FAM110C: variants seen among roughly 807,000 people sequenced by gnomAD.
FAM110C encodes protein FAM110C.
In FAM110C, 19 loss-of-function variants were observed where a neutral mutation model predicts 15.7. The observed-to-expected ratio is 1.21, with a 90% CI of 0.85 to 1.78. The LOEUF is 1.78. FAM110C is among the 40% of genes most tolerant of loss of function. FAM110C has a pLI of 0.00. For missense variants in FAM110C, 547 were observed against 495.7 expected, an observed-to-expected ratio of 1.10 and a Z score of -0.98; for synonymous variants, 275 against 233.9, an observed-to-expected ratio of 1.18 and a Z score of -1.61.
At chr2:43,447 G>A (rs756995967) in intron 1 of FAM110C, 5 of 985,400 alleles carry the variant, frequency 5.1e-6, no homozygotes, top group Non-Finnish European at 6.0e-6. Context: ...TCCCAAACCT[G>A]CTCTCACTTT....
intron 1 of FAM110C, chr2:45,058 T>C: frequency 1.0e-6 from 1 of 985,394 alleles, no homozygotes; most frequent in Non-Finnish European, 1.2e-6. Flanking sequence ...GAACTAGGGC[T>C]CTCAAGCTGT....
At chr2:44,595 C>T in intron 1 of FAM110C, 8 of 985,428 alleles carry the variant, frequency 8.1e-6, no homozygotes, top group Non-Finnish European at 9.6e-6. Flanking sequence ...GGTTCTTTCT[C>T]TTCACTACTT....
At chr2:45,403 C>T (rs1265354438) in intron 1 of FAM110C, 37 bp downstream of exon 1, 1 of 1,571,220 alleles carries the variant, frequency 6.4e-7, no homozygotes, top group Non-Finnish European at 8.6e-7. Flanking sequence ...CAGCCCCGCA[C>T]ACGGCCAGCC....
intron 1 of FAM110C, chr2:43,248 C>G: frequency 1.0e-6 from 1 of 985,420 alleles, no homozygotes; most frequent in Non-Finnish European, 1.2e-6. Context: ...GTGCTGGTGA[C>G]TGCCAATTCC....
chr2:45,642 C>T lies in FAM110C; in HGVS notation c.744G>A (p.Val248=). The T allele has an allele frequency of 1.2e-6, 2 of 1,612,546 alleles. No individual in the cohort carries two copies. Among genetic ancestry groups the T allele is most frequent in the Non-Finnish European group, 1.7e-6 (2 of 1,179,574 alleles). ...CGGAGGTGGCGACGCTCACGCTGCGCACCTTGAGGGTCACACAGTCCGACC... is the reference window on the plus strand; with the variant it reads ...CGGAGGTGGCGACGCTCACGCTGCGTACCTTGAGGGTCACACAGTCCGACC... The part of the protein sequence containing the change: ...TAGSDCVTLK[V]RSVSVATSGS... Residue 248 remains valine (V), a synonymous_variant, in exon 1 of 2, where the codon GTG becomes GTA. Coordinates refer to ENST00000327669, the MANE Select transcript of FAM110C (RefSeq NM_001077710.3).
Position 45,767 on chromosome 2 carries a change from G to C in FAM110C, c.619C>G (p.Arg207Gly), listed in dbSNP as rs756027611. ...GACTCGGCCAAGGCAGCGGAATAGC[G>C]GGAGCTGAGGTCCGACTGTGAGCGC... The part of the protein sequence containing the change: ...LQRSQSDLSS[R>G]YSAALAESDT... Residue 207 changes from arginine to glycine, a missense_variant, in exon 1 of 2, where the codon CGC becomes GGC. Arg to Gly is a moderately radical substitution (Grantham distance 125). Coordinates refer to ENST00000327669, the MANE Select transcript of FAM110C (RefSeq NM_001077710.3). The C allele has an allele frequency of 2.5e-6, 4 of 1,577,824 alleles. No individual in the cohort carries two copies. The highest frequency in any genetic ancestry group is 2.6e-6 in the Non-Finnish European group (3 of 1,164,406).
Position 41,590 on chromosome 2 carries a change from T to C in FAM110C, c.*18A>G. The C allele has an allele frequency of 6.2e-7, 1 of 1,613,690 alleles. No homozygotes were observed. The highest frequency in any genetic ancestry group is 8.5e-7 in the Non-Finnish European group (1 of 1,179,846). On this transcript the variant is annotated 3_prime_UTR_variant, in exon 2 of 2. Coordinates refer to ENST00000327669, the MANE Select transcript of FAM110C (RefSeq NM_001077710.3). The stretch of plus-strand genomic sequence containing the variant: ...CTGGGATCCCAAATCACCCATGAAA[T>C]CCTTCAAGAAGTCTTCATCATCGGG...
In FAM110C at chr2:46,358, G is replaced by A. The variant is rs1341609621; in HGVS notation, c.28C>T (p.Pro10Ser). MRALAALSA[P>S]PNERLLPRDP... is the part of the protein sequence containing the mutation. ...CGGGGAAGGAGCCGCTCGTTCGGGG[G>A]CGCGCTCAGGGCCGCCAGGGCGCGC... The change falls in exon 1 of 2, where the codon CCC (proline) becomes TCC (serine). Residue 10 changes from proline (P) to serine (S), a missense_variant. Physicochemically the swap from Pro to Ser is moderately conservative, Grantham distance 74 (BLOSUM62 -1). Coordinates refer to ENST00000327669, the MANE Select transcript of FAM110C (RefSeq NM_001077710.3). The A allele has an allele frequency of 4.6e-6, 6 of 1,304,602 alleles. No homozygotes were observed. In the African/African-American group the frequency reaches 4.6e-5, roughly 10 times the overall value. 80.8% of individuals were successfully genotyped at this position (1,304,602 alleles called of 1,614,324 possible). A position where few individuals can be genotyped will look rare whatever the true frequency, so the allele number is the denominator to read the frequency against.
At chr2:45,289 C>T (rs1664243571) in intron 1 of FAM110C, 151 bp downstream of exon 1, 2 of 1,425,786 alleles carry the variant, frequency 1.4e-6, no homozygotes, top group Non-Finnish European at 1.8e-6. Flanking sequence ...CAAGCCTCTG[C>T]GTCAGTCTCT....
At position 46,424 on chromosome 2, in the gene FAM110C, C is replaced by A; in HGVS notation, c.-39G>T. On this transcript the variant is annotated 5_prime_UTR_variant, in exon 1 of 2. Transcript: ENST00000327669. ...GGACCGACCGGGGTTCCGGGTCCAG[C>A]GGAGACGCGCTCGAGTGGTAGAGCC... is the stretch of plus-strand genomic sequence containing the variant. 5 of 1,249,456 alleles carry A rather than the reference C, an allele frequency of 4.0e-6. No individual in the cohort carries two copies. The highest frequency in any genetic ancestry group is 3.0e-5 in the South Asian group (1 of 33,586). The allele number at this position is 1,249,456 out of a possible 1,614,324, so 77.4% of individuals were successfully genotyped here. A position where few individuals can be genotyped will look rare whatever the true frequency, so the allele number is the denominator to read the frequency against.
Position 40,259 on chromosome 2 carries a change from C to G in FAM110C, c.*1349G>C, listed in dbSNP as rs925671270. 6.6e-6 allele frequency: 1 copy of G among 152,128 alleles called. No individual in the cohort carries two copies. Among genetic ancestry groups the G allele is most frequent in the African/African-American group, 2.4e-5 (1 of 41,416 alleles). The allele number at this position is 152,128 out of a possible 1,614,324, so 9.4% of individuals were successfully genotyped here. On this transcript the variant is annotated 3_prime_UTR_variant, in exon 2 of 2. Transcript: ENST00000327669. ...ATAAATATCTAAGTAACCCAATGAC[C>G]TACTCTCACGGTAAAATAGTTACGA...
rs1277155809 is a variant in FAM110C at position 41,521 on chromosome 2, A to G, written c.*87T>C. ...TCAATGGGATGCTGCATTCCTGGTAAAACAGCAATCATGTGGTCACCTAGG... is the reference window on the plus strand; with the variant it reads ...TCAATGGGATGCTGCATTCCTGGTAGAACAGCAATCATGTGGTCACCTAGG... On this transcript the variant is annotated 3_prime_UTR_variant, in exon 2 of 2. Transcript: ENST00000327669. The G allele has an allele frequency of 6.8e-7, 1 of 1,477,808 alleles. No individual in the cohort carries two copies. Among genetic ancestry groups the G allele is most frequent in the Non-Finnish European group, 9.3e-7 (1 of 1,073,496 alleles). 91.5% of individuals were successfully genotyped at this position (1,477,808 alleles called of 1,614,324 possible).
In FAM110C at chr2:45,746, C is replaced by A; in HGVS notation, c.640G>T (p.Glu214Ter). 1.3e-6 allele frequency: 2 copies of A among 1,593,012 alleles called. No homozygotes were observed. The highest frequency in any genetic ancestry group is 3.5e-5 in the Admixed American group (2 of 57,168). Reference sequence around the variant, plus strand: ...CAGTACTGGAAGAAGGTGTCAGACTCGGCCAAGGCAGCGGAATAGCGGGAG... The same window carrying A: ...CAGTACTGGAAGAAGGTGTCAGACTAGGCCAAGGCAGCGGAATAGCGGGAG... ...LSSRYSAALA[E>*]SDTFFQYCGL... Residue 214 changes from glutamate (E) to a stop codon, truncating the protein, a stop_gained, in exon 1 of 2, where the codon GAG (glutamate) becomes TAG (stop). Transcript: ENST00000327669. LOFTEE classifies it high-confidence loss of function.
At chr2:45,337 A>T in intron 1 of FAM110C, 103 bp downstream of exon 1, 1 of 1,464,050 alleles carries the variant, frequency 6.8e-7, no homozygotes, top group Non-Finnish European at 9.0e-7. Flanking sequence ...ATCGCACTCA[A>T]TTCTAAGCAG....
chr2:44,380 G>A (rs1336028189), intron 1 of FAM110C: 2 of 985,280 alleles, frequency 2.0e-6, no homozygotes, highest in African/African-American at 1.7e-5. Flanking sequence ...AAACATAGGT[G>A]AGCCCTGTGC....
At position 39,054 on chromosome 2, in the gene FAM110C, C is replaced by G. The variant is rs918114143; in HGVS notation, c.*2554G>C. On this transcript the variant is annotated 3_prime_UTR_variant, in exon 2 of 2. Coordinates refer to ENST00000327669, the MANE Select transcript of FAM110C (RefSeq NM_001077710.3). ...AGTTTCAGTGCCCAGTAGTTTAAAA[C>G]ATTCTATTATGTTTAATTACATTTT... The G allele has an allele frequency of 3.9e-5, 6 of 152,140 alleles. No individual in the cohort carries two copies. The highest frequency in any genetic ancestry group is 1.4e-4 in the African/African-American group (6 of 41,422). The allele number at this position is 152,140 out of a possible 1,614,324, so 9.4% of individuals were successfully genotyped here.
intron 1 of FAM110C, 196 bp from the exon 2 acceptor site, chr2:41,823 T>A: frequency 1.0e-6 from 1 of 985,422 alleles, no homozygotes; most frequent in South Asian, 4.7e-5. Context: ...ATCATCTCGT[T>A]TCTCTGGCAG....
Position 45,163 on chromosome 2 carries a change from T to C in FAM110C, c.946+277A>G, listed in dbSNP as rs542871642. ...TCACAATAATAAGCCAAATGGGACA[T>C]ATTAATTTGCAGAATTGCCTTTCCA... On this transcript the variant is annotated intron_variant, in intron 1 of 1. Transcript: ENST00000327669. 14 of 985,408 alleles carry C rather than the reference T, an allele frequency of 1.4e-5. No individual in the cohort carries two copies. The South Asian group carries it at 3.3e-4, about 23-fold the overall frequency. 61.0% of individuals were successfully genotyped at this position (985,408 alleles called of 1,614,324 possible). A position where few individuals can be genotyped will look rare whatever the true frequency, so the allele number is the denominator to read the frequency against.
At chr2:44,625 A>C in intron 1 of FAM110C, 1 of 985,430 alleles carries the variant, frequency 1.0e-6, no homozygotes, top group South Asian at 4.7e-5. Flanking sequence ...CCCATAGGGA[A>C]GAGCAGGTAA....
Sources: allele counts gnomAD v4.1 joint callset, GRCh38; gene constraint gnomAD v4.1.1; transcripts MANE v1.5; gene names NCBI Gene and HGNC (gene_info 2026-07-23, HGNC 2026-07-21).